FNBP1L: variants seen among roughly 807,000 people sequenced by gnomAD.
FNBP1L encodes formin-binding protein 1-like.
Under a neutral mutation model 91.2 loss-of-function variants are expected in FNBP1L, and 36 were observed. The ratio of observed to expected loss-of-function variants is 0.39; its 90% CI spans 0.30 to 0.52. FNBP1L has a LOEUF of 0.52. Among genes scored for constraint, FNBP1L ranks in the 20% least tolerant of loss-of-function variants. FNBP1L has a pLI of 0.66. For missense variants in FNBP1L, 571 were observed against 732.1 expected (o/e 0.78, Z 2.54); for synonymous variants, 242 against 237.0 (o/e 1.02, Z -0.19).
At chr1:93,513,062 C>T (rs994274677) in intron 2 of FNBP1L, among the ~76,000 whole-genome samples, 5 of 152,048 alleles carry the variant, frequency 3.3e-5, no homozygotes, top group Non-Finnish European at 4.4e-5. Flanking sequence ...ATCAAATAGA[C>T]GCAATAAAAA....
chr1:93,456,746 T>C (rs982153508), intron 1 of FNBP1L, among the ~76,000 whole-genome samples: 6 of 151,610 alleles, frequency 4.0e-5, no homozygotes, highest in Non-Finnish European at 7.4e-5. Flanking sequence ...CCTCTGCACT[T>C]TAGCTTGGGT....
intron 1 of FNBP1L, among the ~76,000 whole-genome samples, chr1:93,497,445 G>A (rs1043404391): frequency 3.9e-5 from 6 of 152,086 alleles, no homozygotes; most frequent in African/African-American, 1.4e-4. Flanking sequence ...CATTGATGGT[G>A]TCTTTATATC....
chr1:93,462,035 T>G (rs1393742990), intron 1 of FNBP1L, among the ~76,000 whole-genome samples: 1 of 152,180 alleles, frequency 6.6e-6, no homozygotes, highest in East Asian at 1.9e-4. Flanking sequence ...TTTGAGCAAG[T>G]ATCCAGAATT....
intron 14 of FNBP1L, among the ~76,000 whole-genome samples, chr1:93,548,310 T>C (rs927226559): frequency 1.3e-5 from 2 of 152,196 alleles, no homozygotes; most frequent in African/African-American, 4.8e-5. Flanking sequence ...TGTTAAAATC[T>C]AATTCTGTAA....
intron 2 of FNBP1L, among the ~76,000 whole-genome samples, chr1:93,505,969 G>A (rs188960749): frequency 2.8e-4 from 42 of 152,266 alleles, no homozygotes; most frequent in African/African-American, 9.9e-4. Flanking sequence ...GAGCCACCAT[G>A]CCTGGCCCAG....
chr1:93,517,776 C>G (rs1352959648), intron 2 of FNBP1L, among the ~76,000 whole-genome samples: 2 of 151,552 alleles, frequency 1.3e-5, no homozygotes, highest in African/African-American at 4.9e-5. Context: ...TGGTCTTTAG[C>G]TACCTTTCAT....
chr1:93,526,272 C>T (rs1408036034), intron 5 of FNBP1L, among the ~76,000 whole-genome samples: 1 of 152,118 alleles, frequency 6.6e-6, no homozygotes, highest in East Asian at 1.9e-4. Context: ...GAGCAGAGCT[C>T]AGAAATGGAG....
intron 2 of FNBP1L, among the ~76,000 whole-genome samples, chr1:93,502,102 T>C (rs578001577): frequency 9.2e-5 from 14 of 152,314 alleles, no homozygotes; most frequent in African/African-American, 2.2e-4. Flanking sequence ...CAGTAAGAAC[T>C]GAATGTACAG....
At position 93,541,036 on chromosome 1, in the gene FNBP1L, A is replaced by G. The variant is rs996574331; in HGVS notation, c.1150-6A>G. ...ATTTCTTTCTGTTTTCCATTGAACT[A>G]TTCAGTGGTCGGTGAAGATGGTAAG... is the stretch of plus-strand genomic sequence containing the variant. On this transcript the variant is annotated splice_polypyrimidine_tract_variant and splice_region_variant and intron_variant, in intron 10 of 16. Coordinates refer to ENST00000271234, the MANE Select transcript of FNBP1L (RefSeq NM_001164473.3). 10 of 1,536,176 alleles carry G rather than the reference A, an allele frequency of 6.5e-6. No individual in the cohort carries two copies. The highest frequency in any genetic ancestry group is 5.5e-5 in the African/African-American group (4 of 73,012).
chr1:93,536,559 C>A, intron 10 of FNBP1L, 69 bp downstream of exon 10: 1 of 1,351,300 alleles, frequency 7.4e-7, no homozygotes, highest in South Asian at 1.7e-5. Context: ...TAATACTCTC[C>A]ACCCTCATTA....
At position 93,550,895 on chromosome 1, in the gene FNBP1L, T is replaced by A. The variant is rs1218309606; in HGVS notation, c.1652-52T>A. 23 of 1,447,582 alleles carry A rather than the reference T, an allele frequency of 1.6e-5. No homozygotes were observed. The East Asian group carries it at 2.6e-4, about 17-fold the overall frequency. 89.7% of individuals were successfully genotyped at this position (1,447,582 alleles called of 1,614,324 possible). On this transcript the variant is annotated intron_variant, in intron 15 of 16. Transcript: ENST00000271234. ...ATTTTGTGCATTGTATTAGTAACTT[T>A]AAAAAAAATTATCACAATGCTTAAA... is the stretch of plus-strand genomic sequence containing the variant.
intron 1 of FNBP1L, among the ~76,000 whole-genome samples, chr1:93,490,248 T>A (rs1670049119): frequency 6.6e-6 from 1 of 152,196 alleles, no homozygotes; most frequent in South Asian, 2.1e-4. Context: ...TTGCCTCACA[T>A]TACTATACGG....
At chr1:93,473,006 C>T (rs943728181) in intron 1 of FNBP1L, among the ~76,000 whole-genome samples, 3 of 151,968 alleles carry the variant, frequency 2.0e-5, no homozygotes, top group Non-Finnish European at 2.9e-5. Flanking sequence ...TCATTTTGCA[C>T]TTGCTGCTAG....
chr1:93,469,031 C>G (rs950097732), intron 1 of FNBP1L, among the ~76,000 whole-genome samples: 1 of 151,780 alleles, frequency 6.6e-6, no homozygotes, highest in Non-Finnish European at 1.5e-5. Flanking sequence ...TTTTCTTGTG[C>G]TTATTGTTCA....
intron 4 of FNBP1L, 26 bp from the exon 5 acceptor site, chr1:93,524,235 T>C: frequency 6.9e-7 from 1 of 1,443,110 alleles, no homozygotes; most frequent in South Asian, 1.6e-5. Context: ...ATTTTTATTT[T>C]TTTTGGCCGT....
At chr1:93,472,671 G>C (rs890804648) in intron 1 of FNBP1L, among the ~76,000 whole-genome samples, 1 of 151,764 alleles carries the variant, frequency 6.6e-6, no homozygotes, top group African/African-American at 2.4e-5. Context: ...AATTAGCCAG[G>C]CGTGTTGGCG....
In FNBP1L at chr1:93,448,185, C is replaced by T; in HGVS notation, c.-97C>T. On this transcript the variant is annotated 5_prime_UTR_variant, in exon 1 of 17. Transcript: ENST00000271234. ...CACCTTTCGAGGTAGACCCGCTGAG[C>T]TGCTAGCCCGCCGGCCAGCGAGTGA... 6.8e-7 allele frequency: 1 copy of T among 1,465,670 alleles called. No homozygotes were observed. The highest frequency in any genetic ancestry group is 1.3e-5 in the South Asian group (1 of 79,766). The allele number at this position is 1,465,670 out of a possible 1,614,324, so 90.8% of individuals were successfully genotyped here. A position where few individuals can be genotyped will look rare whatever the true frequency, so the allele number is the denominator to read the frequency against.
chr1:93,504,115 A>G (rs1028199948), intron 2 of FNBP1L, among the ~76,000 whole-genome samples: 4 of 152,216 alleles, frequency 2.6e-5, no homozygotes, highest in Admixed American at 2.0e-4. Flanking sequence ...CCTACCTGGT[A>G]CCTCTGGAAC....
At chr1:93,533,975 TTGTTAGG>T (rs2101761447) in intron 8 of FNBP1L, among the ~76,000 whole-genome samples, 1 of 152,226 alleles carries the variant, frequency 6.6e-6, no homozygotes, top group East Asian at 1.9e-4. Context: ...AGAGAGGTTG[TTGTTAGG>T]GGTGGGGAGG....
Sources: allele counts gnomAD v4.1 joint callset (sites outside exome capture counted in the v4.1 genomes callset), GRCh38; gene constraint gnomAD v4.1.1; transcripts MANE v1.5; gene names NCBI Gene and HGNC (gene_info 2026-07-23, HGNC 2026-07-21).